The following ADCK5 variants were observed in gnomAD, a reference collection of about 807,000 sequenced individuals.
ADCK5 encodes aarF domain containing kinase 5.
Under a neutral mutation model 64.9 loss-of-function variants are expected in ADCK5, and 43 were observed. The observed-to-expected ratio is 0.66, with a 90% CI of 0.52 to 0.85. The LOEUF is 0.85. Among genes scored for constraint, ADCK5 ranks in the 40% least tolerant of loss-of-function variants. The pLI is 0.00. For missense variants in ADCK5, 760 were observed against 810.5 expected, an observed-to-expected ratio of 0.94 and a Z score of 0.76; for synonymous variants, 434 against 342.8, an observed-to-expected ratio of 1.27 and a Z score of -2.94.
rs371037595 is a variant in ADCK5 at position 144,392,993 on chromosome 8, G to A, written c.1662G>A (p.Leu554=). The change falls in exon 15 of 15, where the codon CTG becomes CTA. Residue 554 remains leucine (L), a synonymous_variant. Coordinates refer to ENST00000308860, the MANE Select transcript of ADCK5 (RefSeq NM_174922.5). Reference sequence around the variant, plus strand: ...GGCTGGAGACCTTGGCCATGCGGCTGACCGCCCTCCTGGCTCGTGCTCTGG... The same window carrying A: ...GGCTGGAGACCTTGGCCATGCGGCTAACCGCCCTCCTGGCTCGTGCTCTGG... The part of the protein sequence containing the change: ...ALRLETLAMR[L]TALLARALVH... The A allele has an allele frequency of 1.3e-6, 2 of 1,589,288 alleles. No individual in the cohort carries two copies. The highest frequency in any genetic ancestry group is 2.7e-5 in the African/African-American group (2 of 74,662).
At chr8:144,385,964 A>C (rs1402076830) in intron 3 of ADCK5, among the ~76,000 whole-genome samples, 2 of 143,446 alleles carry the variant, frequency 1.4e-5, no homozygotes, top group Non-Finnish European at 1.5e-5. Context: ...TCTCTGTCTC[A>C]AAAAAAAAAA....
At chr8:144,391,094 A>G in intron 5 of ADCK5, 38 bp downstream of exon 5, 1 of 1,610,680 alleles carries the variant, frequency 6.2e-7, no homozygotes. Context: ...TGGGGCCTCC[A>G]GCAGTGGCCC....
chr8:144,383,026 A>G lies in ADCK5; in HGVS notation c.117-55A>G, dbSNP rs533522919. On this transcript the variant is annotated intron_variant, in intron 2 of 14. Transcript: ENST00000308860. ...GCTGGGGGAGGTGGGGGCAGAGATC[A>G]GAGCCCAGCTGAATGTGGGGGGCGG... 126 of 1,558,008 alleles carry G rather than the reference A, an allele frequency of 8.1e-5. No homozygotes were observed. The African/African-American group carries it at 1.4e-3, about 17-fold the overall frequency.
rs1438363504 is a variant in ADCK5 at position 144,392,824 on chromosome 8, C to T, written c.1569C>T (p.Val523=). The part of the protein sequence containing the change: ...SRLAGATYRG[V]YGTSLLRHAK... ...TGGCGGGCGCCACGTATCGGGGTGT[C>T]TACGGCACCAGCCTCCTGCGCCACG... Residue 523 remains valine, a synonymous_variant, in exon 14 of 15, where the codon GTC becomes GTT. Coordinates refer to ENST00000308860, the MANE Select transcript of ADCK5 (RefSeq NM_174922.5). 44 of 1,592,848 alleles carry T rather than the reference C, an allele frequency of 2.8e-5. No individual in the cohort carries two copies. The highest frequency in any genetic ancestry group is 3.6e-5 in the Non-Finnish European group (42 of 1,174,212).
intron 3 of ADCK5, chr8:144,389,236 G>T (rs1296666715): frequency 2.2e-6 from 1 of 456,232 alleles, no homozygotes; most frequent in East Asian, 6.9e-5. Context: ...CCCACTTCCT[G>T]CCTTAACTGG....
In ADCK5 at chr8:144,391,717, C is replaced by T. The variant is rs571955758; in HGVS notation, c.930+6C>T. 16 of 1,538,776 alleles carry T rather than the reference C, an allele frequency of 1.0e-5. No individual in the cohort carries two copies. The South Asian group carries it at 1.4e-4, about 14-fold the overall frequency. ...ACTGGGACAAGTCCAGCAAGGTGGG[C>T]TGGGCCAGGCCCTTGGGGTGGGCAC... On this transcript the variant is annotated splice_donor_region_variant and intron_variant, in intron 8 of 14. Coordinates refer to ENST00000308860, the MANE Select transcript of ADCK5 (RefSeq NM_174922.5).
At position 144,392,715 on chromosome 8, in the gene ADCK5, G is replaced by C; in HGVS notation, c.1520+18G>C. The C allele has an allele frequency of 6.3e-7, 1 of 1,590,710 alleles. No homozygotes were observed. The highest frequency in any genetic ancestry group is 8.6e-7 in the Non-Finnish European group (1 of 1,168,430). On this transcript the variant is annotated intron_variant, in intron 13 of 14. Transcript: ENST00000308860. ...GCTAAAAGGTCGGTGGCCCGAGGAG[G>C]CGCCCGGGCCGTGGTGGGGCTGGTG...
intron 2 of ADCK5, among the ~76,000 whole-genome samples, chr8:144,381,024 C>G (rs202146440): frequency 9.8e-5 from 13 of 132,884 alleles, no homozygotes; most frequent in South Asian, 7.5e-4. Flanking sequence ...TCAGGCACCT[C>G]CCGCAGTCAG....
chr8:144,383,324 G>C, intron 3 of ADCK5, 94 bp downstream of exon 3: 1 of 1,431,368 alleles, frequency 7.0e-7, no homozygotes, highest in Non-Finnish European at 9.2e-7. Context: ...CACAGACGAG[G>C]GGCGTGAGCC....
intron 12 of ADCK5, 24 bp from the exon 13 acceptor site, chr8:144,392,421 C>CCG: frequency 7.0e-7 from 1 of 1,432,166 alleles, no homozygotes; most frequent in Non-Finnish European, 9.2e-7. Flanking sequence ...AGCCCCCTCC[C>CCG]TCCCTCCCTC....
intron 3 of ADCK5, among the ~76,000 whole-genome samples, chr8:144,388,356 C>CAA (rs111734380): frequency 1.1e-4 from 9 of 84,854 alleles, no homozygotes; most frequent in Admixed American, 1.3e-4. Context: ...GATTCCATCT[C>CAA]AAAAAAAAAA....
intron 14 of ADCK5, 30 bp from the exon 15 acceptor site, chr8:144,392,939 C>G: frequency 6.3e-7 from 1 of 1,585,130 alleles, no homozygotes; most frequent in Non-Finnish European, 8.6e-7. Flanking sequence ...GCTCCCCACC[C>G]ACCTGTGACC....
chr8:144,390,553 C>T (rs990600886), intron 3 of ADCK5, 118 bp from the exon 4 acceptor site: 25 of 1,125,000 alleles, frequency 2.2e-5, no homozygotes, highest in Non-Finnish European at 3.2e-5. Flanking sequence ...TTGGCCTCAC[C>T]CTTGGGACAT....
At chr8:144,377,805 G>A (rs375336872) in intron 1 of ADCK5, among the ~76,000 whole-genome samples, 2 of 152,204 alleles carry the variant, frequency 1.3e-5, no homozygotes, top group South Asian at 2.1e-4. Context: ...CCTCCCATCC[G>A]GGCGTCCACC....
chr8:144,383,266 T>TGGC, intron 3 of ADCK5, 36 bp downstream of exon 3: 18 of 1,527,276 alleles, frequency 1.2e-5, no homozygotes, highest in Non-Finnish European at 1.6e-5. Context: ...GGTTGCGGCG[T>TGGC]GGCGGGCGGG....
At chr8:144,387,568 A>T (rs1301497368) in intron 3 of ADCK5, among the ~76,000 whole-genome samples, 5 of 150,854 alleles carry the variant, frequency 3.3e-5, no homozygotes, top group African/African-American at 1.2e-4. Context: ...CACCCAGCTA[A>T]TTTTTTTTTA....
intron 3 of ADCK5, among the ~76,000 whole-genome samples, chr8:144,386,287 C>T (rs547406816): frequency 6.6e-6 from 1 of 152,084 alleles, no homozygotes; most frequent in African/African-American, 2.4e-5. Flanking sequence ...GCTGGGATTA[C>T]AGGTGTGAGC....
upstream of ADCK5, chr8:144,373,902 TG>T (rs1485210522): frequency 1.1e-4 from 63 of 563,512 alleles, no homozygotes; most frequent in East Asian, 2.2e-3. Context: ...GGTAAGCCTC[TG>T]GGGGCCGCCA....
intron 1 of ADCK5, among the ~76,000 whole-genome samples, chr8:144,374,557 G>C (rs1013962925): frequency 1.3e-5 from 2 of 152,090 alleles, no homozygotes; most frequent in African/African-American, 2.4e-5. Context: ...GCGGGTGCCC[G>C]GCGCCCCGGA....
Sources: gnomAD v4.1 joint callset for allele counts (sites outside exome capture counted in the v4.1 genomes callset) on GRCh38, gnomAD v4.1.1 for gene constraint, MANE v1.5 for transcripts, NCBI Gene and HGNC (gene_info 2026-07-23, HGNC 2026-07-21) for gene names.